The following SYTL2 variants were observed in gnomAD, a reference collection of about 807,000 sequenced individuals.
SYTL2 encodes the protein synaptotagmin like 2.
SYTL2 carries 165 observed loss-of-function variants against 198.7 expected under a neutral mutation model. That is an observed-to-expected ratio of 0.83 (90% CI 0.73 to 0.94). SYTL2 has a LOEUF of 0.94. Among genes scored for constraint, SYTL2 ranks in the 40% least tolerant of loss-of-function variants. SYTL2 has a pLI of 0.00. For missense variants in SYTL2, 2,835 were observed against 2,582.8 expected (o/e 1.10, Z -2.12); for synonymous variants, 966 against 917.7 (o/e 1.05, Z -0.95).
At chr11:85,705,611 C>T (rs1335323705) in intron 15 of SYTL2, among the ~76,000 whole-genome samples, 1 of 152,294 alleles carries the variant, frequency 6.6e-6, no homozygotes, top group South Asian at 2.1e-4. Flanking sequence ...TAGAAAAGGT[C>T]TGGCATCCTA....
In SYTL2 at chr11:85,753,256, A is replaced by G. The variant is rs563936553; in HGVS notation, c.101+4369T>C. On this transcript the variant is annotated intron_variant, in intron 2 of 19. Transcript: ENST00000359152. The stretch of plus-strand genomic sequence containing the variant: ...GTCAGGGCAGCAGGAGAGAAGACAC[A>G]GGATAGGGGTGGAAGAGAGAGAAAG... Among the ~76,000 whole-genome samples, 56 of 152,324 alleles carry G rather than the reference A, an allele frequency of 3.7e-4. 1 individual carries two copies. In the South Asian group the frequency reaches 0.012, roughly 32 times the overall value.
At chr11:85,813,863 C>T (rs938804462), upstream of SYTL2, among the ~76,000 whole-genome samples, 4 of 152,164 alleles carry the variant, frequency 2.6e-5, no homozygotes, top group Non-Finnish European at 4.4e-5. Context: ...GCTGGGACTA[C>T]AAGCACACAC....
At chr11:85,736,223 T>A (rs929494103) in intron 6 of SYTL2, among the ~76,000 whole-genome samples, 9 of 152,128 alleles carry the variant, frequency 5.9e-5, no homozygotes, top group Non-Finnish European at 1.3e-4. Context: ...ATGTCTTGGG[T>A]CAAAAAATCT....
chr11:85,804,302 C>T (rs1592086352), intron 1 of SYTL2, among the ~76,000 whole-genome samples: 1 of 152,184 alleles, frequency 6.6e-6, no homozygotes, highest in Non-Finnish European at 1.5e-5. Flanking sequence ...GCATCTAGAA[C>T]TCAGTTTGCA....
chr11:85,782,871 G>C (rs2092583242), intron 1 of SYTL2, among the ~76,000 whole-genome samples: 1 of 152,112 alleles, frequency 6.6e-6, no homozygotes, highest in South Asian at 2.1e-4. Context: ...ACCTCAATCT[G>C]GACTTCGTTG....
At chr11:85,744,744 A>G (rs1024309706) in intron 4 of SYTL2, among the ~76,000 whole-genome samples, 2 of 152,170 alleles carry the variant, frequency 1.3e-5, no homozygotes, top group Non-Finnish European at 1.5e-5. Flanking sequence ...CCAATTGAAG[A>G]CTCTGAATTG....
chr11:85,704,778 T>C (rs187950784), intron 16 of SYTL2, 80 bp downstream of exon 16: 45 of 1,155,294 alleles, frequency 3.9e-5, no homozygotes, highest in Non-Finnish European at 3.2e-5. Context: ...TACTCTGAAT[T>C]AAATGCAATT....
In SYTL2 at chr11:85,726,447, G is replaced by C; in HGVS notation, c.2911C>G (p.Pro971Ala). 1 of 1,613,234 alleles carries C rather than the reference G, an allele frequency of 6.2e-7. No homozygotes were observed. Among genetic ancestry groups the C allele is most frequent in the Non-Finnish European group, 8.5e-7 (1 of 1,179,878 alleles). Residue 971 changes from proline to alanine, a missense_variant, in exon 8 of 20, where the codon CCC becomes GCC. Coordinates refer to ENST00000359152, the MANE Select transcript of SYTL2 (RefSeq NM_206927.4). ...VMSLKERMDE[P>A]NAEQVYNPSQ... The stretch of plus-strand genomic sequence containing the variant: ...GGATTATAGACCTGTTCTGCATTGG[G>C]TTCATCCATTCTTTCTTTTAGGGAC...
the SYTL2 span, among the ~76,000 whole-genome samples, chr11:85,849,331 T>C: frequency 1.9e-4 from 29 of 152,346 alleles, no homozygotes; most frequent in Admixed American, 2.6e-4. Context: ...TTTGTTGCCG[T>C]TGCTTTTGGT....
intron 8 of SYTL2, among the ~76,000 whole-genome samples, chr11:85,722,276 C>T (rs1464448205): frequency 6.9e-6 from 1 of 145,462 alleles, no homozygotes; most frequent in Non-Finnish European, 1.5e-5. Context: ...CCTCAGGGTT[C>T]ACACCATTCT....
intron 18 of SYTL2, among the ~76,000 whole-genome samples, chr11:85,696,759 G>C (rs543831034): frequency 1.3e-5 from 2 of 152,284 alleles, no homozygotes; most frequent in African/African-American, 4.8e-5. Context: ...CTCCATGCCT[G>C]CATTTAGTAA....
At chr11:85,732,180 G>A (rs1020363687) in intron 7 of SYTL2, among the ~76,000 whole-genome samples, 1 of 152,206 alleles carries the variant, frequency 6.6e-6, no homozygotes, top group Non-Finnish European at 1.5e-5. Context: ...TGAAGACAGT[G>A]TGGTGATTCC....
chr11:85,805,327 C>CAA (rs200930675), intron 1 of SYTL2, among the ~76,000 whole-genome samples: 1,002 of 95,898 alleles, frequency 0.01, 4 homozygotes, highest in Non-Finnish European at 0.013. Flanking sequence ...CCCATCTCTA[C>CAA]AAAAAAAAAA....
At position 85,712,726 on chromosome 11, in the gene SYTL2, T is replaced by A. The variant is rs566053741; in HGVS notation, c.5626-1494A>T. Among the ~76,000 whole-genome samples the A allele has an allele frequency of 6.2e-5, 9 of 144,310 alleles. No individual in the cohort carries two copies. The East Asian group carries it at 1.5e-3, about 23-fold the overall frequency. 94.7% of individuals were successfully genotyped at this position (144,310 alleles called of 152,430 possible). ...CACACACACACACACACACACACAC[T>A]TTTTTTTTCAATTAGAGTCTCACTC... On this transcript the variant is annotated intron_variant, in intron 12 of 19. Coordinates refer to ENST00000359152, the MANE Select transcript of SYTL2 (RefSeq NM_206927.4).
intron 6 of SYTL2, 78 bp from the exon 7 acceptor site, chr11:85,734,820 C>T (rs1401287548): frequency 4.7e-6 from 5 of 1,061,460 alleles, no homozygotes; most frequent in Non-Finnish European, 6.7e-6. Context: ...TAAACTTAAC[C>T]TACACTTAGT....
rs1199680424 is a variant in SYTL2, at chr11:85,810,994, C to A, written c.-430G>T. ...GGGCAGGGAGCGCGCCTCGCCGTCT[C>A]TCTTGTCTTCTGGCCCCCAGCCCTC... On this transcript the variant is annotated 5_prime_UTR_variant, in exon 1 of 20. Transcript: ENST00000359152. 6.6e-6 allele frequency: 1 copy of A among 152,264 alleles called. No homozygotes were observed. The highest frequency in any genetic ancestry group is 6.5e-5 in the Admixed American group (1 of 15,292). 9.4% of individuals were successfully genotyped at this position (152,264 alleles called of 1,614,324 possible).
the SYTL2 span, among the ~76,000 whole-genome samples, chr11:85,845,634 C>T: frequency 7.2e-5 from 11 of 152,080 alleles, no homozygotes; most frequent in Non-Finnish European, 8.8e-5. Context: ...ATAGGCCAGG[C>T]GTGGTGGCTC....
chr11:85,812,505 C>G (rs2093048017), upstream of SYTL2, among the ~76,000 whole-genome samples: 1 of 152,150 alleles, frequency 6.6e-6, no homozygotes, highest in Non-Finnish European at 1.5e-5. Flanking sequence ...TTTGAAGAAA[C>G]AAATTTGTAA....
chr11:85,734,437 T>G lies in SYTL2; in HGVS notation c.892A>C (p.Ser298Arg). 1.2e-6 allele frequency: 2 copies of G among 1,614,218 alleles called. No individual in the cohort carries two copies. Among genetic ancestry groups the G allele is most frequent in the Non-Finnish European group, 1.7e-6 (2 of 1,180,034 alleles). The change falls in exon 7 of 20, where the codon AGC (serine) becomes CGC (arginine). Residue 298 changes from serine (S) to arginine (R), a missense_variant. By Grantham distance (110) the Ser-to-Arg change is moderately radical. Around this residue, in one of 3 missense-constraint regions of SYTL2, gnomAD observed 2,645 missense variants for 2,381.7 expected, o/e 1.11. Transcript: ENST00000359152. Reference sequence around the variant, plus strand: ...GTTAGGCCAGGTGACACAATTTTGCTTTTGGGTTCAAAGTTGTGATTATAA... The same window carrying G: ...GTTAGGCCAGGTGACACAATTTTGCGTTTGGGTTCAAAGTTGTGATTATAA... ...LRYNHNFEPK[S>R]KIVSPGLTIH...
Sources: gnomAD v4.1 joint callset for allele counts (sites outside exome capture counted in the v4.1 genomes callset) on GRCh38, gnomAD v4.1.1 for gene constraint, gnomAD v4.1.1 regional missense constraint, MANE v1.5 for transcripts, NCBI Gene and HGNC (gene_info 2026-07-23, HGNC 2026-07-21) for gene names.